Variants in ZNF30 observed in about 807,000 individuals in gnomAD.
The protein encoded by ZNF30 is zinc finger protein 30, also known as zinc finger protein 30 (KOX 28).
Under a neutral mutation model 13.2 loss-of-function variants are expected in ZNF30, and 15 were observed. That is an observed-to-expected ratio of 1.13 (90% confidence interval 0.76 to 1.75). ZNF30 has a LOEUF of 1.75. Among genes scored for constraint, ZNF30 ranks in the 40% most tolerant of loss-of-function variants. The probability of loss-of-function intolerance (pLI) is 0.00; values close to 1 mark genes in which losing one functional copy is unlikely to be tolerated. For synonymous variants in ZNF30, 223 were observed against 256.6 expected (o/e 0.87, Z 1.25); for missense variants, 726 against 757.0 (o/e 0.96, Z 0.48).
rs144520842 is a variant in ZNF30 at position 34,944,457 on chromosome 19, G to A, written c.1491G>A (p.Ser497=). ...GTGGAAAGACTTTTAGTCGAGCCTC[G>A]TACCTTGTACAACATAGCAGAATCC... is the stretch of plus-strand genomic sequence containing the variant. ...KECGKTFSRA[S]YLVQHSRIHT... The change falls in exon 5 of 5, where the codon TCG becomes TCA. Residue 497 remains serine (S), a synonymous_variant. Coordinates refer to ENST00000601142, the MANE Select transcript of ZNF30 (RefSeq NM_194325.3). 9.5e-5 allele frequency: 153 copies of A among 1,612,064 alleles called. No individual in the cohort carries two copies. In the African/African-American group the frequency reaches 1.8e-3, roughly 18 times the overall value.
At chr19:34,937,872 C>T (rs1347750565) in intron 4 of ZNF30, among the ~76,000 whole-genome samples, 1 of 152,142 alleles carries the variant, frequency 6.6e-6, no homozygotes, top group Non-Finnish European at 1.5e-5. Flanking sequence ...AATCTCGGCT[C>T]ACTGCATCCT....
chr19:34,928,073 C>T (rs2012171808), intron 1 of ZNF30, among the ~76,000 whole-genome samples: 1 of 151,228 alleles, frequency 6.6e-6, no homozygotes, highest in Non-Finnish European at 1.5e-5. Context: ...GGCATGGTGG[C>T]GTGCGCTTGT....
At chr19:34,937,348 G>A (rs1393805931) in intron 4 of ZNF30, among the ~76,000 whole-genome samples, 4 of 152,106 alleles carry the variant, frequency 2.6e-5, no homozygotes, top group African/African-American at 4.8e-5. Flanking sequence ...AGGTCTTCTA[G>A]AGGAGGCTGC....
Position 34,943,900 on chromosome 19 carries a change from G to A in ZNF30, c.934G>A (p.Gly312Ser), listed in dbSNP as rs780188791. The part of the protein sequence containing the change: ...PLAKHQRIHT[G>S]EKPYECKECG... ...TGCTAAGCATCAGAGAATTCATACT[G>A]GCGAGAAACCCTATGAATGTAAGGA... Residue 312 changes from glycine to serine, a missense_variant, in exon 5 of 5, where the codon GGC becomes AGC. Coordinates refer to ENST00000601142, the MANE Select transcript of ZNF30 (RefSeq NM_194325.3). 1.9e-6 allele frequency: 3 copies of A among 1,614,154 alleles called. No homozygotes were observed. The South Asian group carries it at 3.3e-5, about 18-fold the overall frequency.
chr19:34,937,666 C>T (rs564765945), intron 4 of ZNF30, among the ~76,000 whole-genome samples: 13 of 151,556 alleles, frequency 8.6e-5, no homozygotes, highest in South Asian at 8.4e-4. Flanking sequence ...CCTAGGAGTT[C>T]GAGGCTGCAG....
chr19:34,933,589 A>C (rs2012572588), intron 3 of ZNF30, 39 bp from the exon 4 acceptor site: 1 of 1,457,632 alleles, frequency 6.9e-7, no homozygotes, highest in Non-Finnish European at 9.4e-7. Flanking sequence ...TTTTGAACTC[A>C]TATTTTATTT....
At chr19:34,937,837 C>T (rs560430229) in intron 4 of ZNF30, among the ~76,000 whole-genome samples, 18 of 152,226 alleles carry the variant, frequency 1.2e-4, no homozygotes, top group African/African-American at 4.1e-4. Flanking sequence ...CCCACTCTGT[C>T]ACCCAGGCTA....
intron 4 of ZNF30, among the ~76,000 whole-genome samples, chr19:34,936,228 TG>T (rs2012733304): frequency 6.6e-6 from 1 of 152,158 alleles, no homozygotes; most frequent in Non-Finnish European, 1.5e-5. Flanking sequence ...GTAGTCTGAA[TG>T]GGGGCAAGAG....
At position 34,943,960 on chromosome 19, in the gene ZNF30, A is replaced by G; in HGVS notation, c.994A>G (p.Thr332Ala). ...GKSFTVYGQL[T>A]RHQSIHTGEK... Reference sequence around the variant, plus strand: ...GTCCTTCACTGTGTATGGACAGCTTACTCGACATCAGAGTATTCATACTGG... The same window carrying G: ...GTCCTTCACTGTGTATGGACAGCTTGCTCGACATCAGAGTATTCATACTGG... Residue 332 changes from threonine (T) to alanine (A), a missense_variant, in exon 5 of 5, where the codon ACT (threonine) becomes GCT (alanine). By Grantham distance (58) the Thr-to-Ala change is moderately conservative (BLOSUM62 0). Transcript: ENST00000601142. 7 of 1,613,680 alleles carry G rather than the reference A, an allele frequency of 4.3e-6. No individual in the cohort carries two copies. The highest frequency in any genetic ancestry group is 5.9e-6 in the Non-Finnish European group (7 of 1,179,916).
At chr19:34,934,707 A>G (rs1439758695) in intron 4 of ZNF30, among the ~76,000 whole-genome samples, 4 of 152,208 alleles carry the variant, frequency 2.6e-5, no homozygotes, top group African/African-American at 9.6e-5. Context: ...ATGAGTTATT[A>G]TGAGGCAGAT....
At chr19:34,926,546 A>G (rs974892528), upstream of ZNF30, among the ~76,000 whole-genome samples, 1 of 152,242 alleles carries the variant, frequency 6.6e-6, no homozygotes, top group African/African-American at 2.4e-5. Context: ...ACACGTGATT[A>G]GTCTAATTGC....
chr19:34,933,377 C>T (rs1004993279), intron 3 of ZNF30, among the ~76,000 whole-genome samples: 2 of 151,932 alleles, frequency 1.3e-5, no homozygotes, highest in East Asian at 2.0e-4. Context: ...TGCTTGAACC[C>T]GGGAAGCGGA....
intron 4 of ZNF30, among the ~76,000 whole-genome samples, chr19:34,940,859 C>T (rs1018778042): frequency 9.9e-5 from 15 of 152,242 alleles, no homozygotes; most frequent in African/African-American, 3.1e-4. Context: ...AATGCAACCA[C>T]ATGAACAGAT....
intron 4 of ZNF30, chr19:34,942,537 AAGTT>A (rs1193494029): frequency 4.6e-6 from 4 of 864,004 alleles, no homozygotes; most frequent in African/African-American, 3.6e-5. Flanking sequence ...TCCTTAGACA[AAGTT>A]AGCAGTTTAC....
At chr19:34,936,242 G>A (rs2012734179) in intron 4 of ZNF30, among the ~76,000 whole-genome samples, 1 of 152,208 alleles carries the variant, frequency 6.6e-6, no homozygotes, top group Non-Finnish European at 1.5e-5. Context: ...GGCAAGAGCA[G>A]TGCAAGCTGG....
chr19:34,930,099 A>G, intron 2 of ZNF30, 143 bp downstream of exon 2: 1 of 829,176 alleles, frequency 1.2e-6, no homozygotes, highest in Non-Finnish European at 1.9e-6. Context: ...ATGTCAAAGT[A>G]TCGTTTCCTC....
intron 1 of ZNF30, among the ~76,000 whole-genome samples, chr19:34,928,220 A>AAAAAAATAT (rs1555778254): frequency 2.7e-4 from 20 of 73,408 alleles, no homozygotes; most frequent in Non-Finnish European, 3.6e-4. Flanking sequence ...AAAAAAAAAA[A>AAAAAAATAT]ATATATATAT....
At chr19:34,942,832 C>A (rs1405161173) in intron 4 of ZNF30, among the ~76,000 whole-genome samples, 3 of 152,066 alleles carry the variant, frequency 2.0e-5, no homozygotes, top group Admixed American at 6.6e-5. Context: ...CACAAGAAAC[C>A]CCTAGAAGGA....
upstream of ZNF30, among the ~76,000 whole-genome samples, chr19:34,925,350 A>G (rs1176560492): frequency 6.6e-6 from 1 of 152,172 alleles, no homozygotes; most frequent in African/African-American, 2.4e-5. Flanking sequence ...CAGGGTTTTG[A>G]GTGGAAGTAG....
Sources: allele counts gnomAD v4.1 joint callset (sites outside exome capture counted in the v4.1 genomes callset), GRCh38; gene constraint gnomAD v4.1.1; transcripts MANE v1.5; gene names NCBI Gene and HGNC (gene_info 2026-07-23, HGNC 2026-07-21).